The following NKAIN3 variants were observed in gnomAD, a reference collection of about 807,000 sequenced individuals.
NKAIN3 encodes the protein sodium/potassium transporting ATPase interacting 3, also known as sodium/potassium-transporting ATPase subunit beta-1-interacting protein 3.
In NKAIN3, 25 loss-of-function variants were observed where a neutral mutation model predicts 30.2. The observed-to-expected ratio is 0.83, with a 90% CI of 0.60 to 1.16. NKAIN3 has a LOEUF of 1.16. Ranked by LOEUF, NKAIN3 falls within the 50% of genes most tolerant of loss-of-function variation. The probability of loss-of-function intolerance (pLI) is 0.00; values close to 1 mark genes in which losing one functional copy is unlikely to be tolerated. For missense variants in NKAIN3, 225 were observed against 254.1 expected (o/e 0.89, Z 0.78); for synonymous variants, 91 against 89.6 (o/e 1.02, Z -0.09).
At chr8:62,320,558 T>C (rs1254922545) in intron 1 of NKAIN3, among the ~76,000 whole-genome samples, 1 of 152,158 alleles carries the variant, frequency 6.6e-6, no homozygotes, top group Non-Finnish European at 1.5e-5. Flanking sequence ...CATTTGCTTT[T>C]CTGTAAAGGA....
intron 1 of NKAIN3, among the ~76,000 whole-genome samples, chr8:62,385,428 GATCCAGTATTTAAATA>G (rs1817398917): frequency 6.6e-6 from 1 of 152,110 alleles, no homozygotes; most frequent in Non-Finnish European, 1.5e-5. Context: ...GTAAAATGCA[GATCCAGTATTTAAATA>G]ATCCAGATCA....
At chr8:62,837,054 C>A in intron 4 of NKAIN3, among the ~76,000 whole-genome samples, 1 of 152,148 alleles carries the variant, frequency 6.6e-6, no homozygotes, top group Non-Finnish European at 1.5e-5. Flanking sequence ...GACATTCTCA[C>A]AAGATTCCAC....
intron 1 of NKAIN3, among the ~76,000 whole-genome samples, chr8:62,281,414 C>A (rs964861611): frequency 1.8e-4 from 27 of 152,102 alleles, no homozygotes; most frequent in African/African-American, 6.5e-4. Context: ...TTGACTTCTG[C>A]TAACTTTTGA....
intron 3 of NKAIN3, among the ~76,000 whole-genome samples, chr8:62,723,684 G>T (rs539670465): frequency 6.6e-6 from 1 of 152,204 alleles, no homozygotes; most frequent in Non-Finnish European, 1.5e-5. Flanking sequence ...AAACTATACT[G>T]TCACATAGAA....
At chr8:62,369,280 G>T (rs1816833393) in intron 1 of NKAIN3, among the ~76,000 whole-genome samples, 1 of 151,960 alleles carries the variant, frequency 6.6e-6, no homozygotes, top group South Asian at 2.1e-4. Flanking sequence ...TAAGTACTCT[G>T]GTTTTTACAG....
At chr8:62,792,410 T>G (rs923460946) in intron 4 of NKAIN3, among the ~76,000 whole-genome samples, 1 of 125,030 alleles carries the variant, frequency 8.0e-6, no homozygotes, top group Non-Finnish European at 1.8e-5. Flanking sequence ...ATTCTCAAAC[T>G]TTCAACAAGA....
At chr8:62,705,420 G>A (rs932699541) in intron 3 of NKAIN3, among the ~76,000 whole-genome samples, 3 of 152,284 alleles carry the variant, frequency 2.0e-5, no homozygotes, top group African/African-American at 4.8e-5. Flanking sequence ...AGCAATTGGC[G>A]CAGTCCGGGG....
At chr8:62,528,739 C>A (rs986251257) in intron 1 of NKAIN3, among the ~76,000 whole-genome samples, 1 of 152,038 alleles carries the variant, frequency 6.6e-6, no homozygotes, top group Non-Finnish European at 1.5e-5. Context: ...ACTTATTGGG[C>A]CAATATATTC....
intron 5 of NKAIN3, among the ~76,000 whole-genome samples, chr8:62,949,829 G>GCTT (rs2130892753): frequency 6.6e-6 from 1 of 152,176 alleles, no homozygotes; most frequent in East Asian, 1.9e-4. Context: ...GTGCCCTGAT[G>GCTT]CTTCCTTCAG....
At chr8:62,597,821 A>G (rs1286526565) in intron 3 of NKAIN3, among the ~76,000 whole-genome samples, 1 of 151,980 alleles carries the variant, frequency 6.6e-6, no homozygotes, top group African/African-American at 2.4e-5. Context: ...TGGTTTACAG[A>G]TGATTTTAGA....
intron 4 of NKAIN3, among the ~76,000 whole-genome samples, chr8:62,801,954 G>A (rs1010029175): frequency 1.3e-4 from 20 of 152,278 alleles, no homozygotes; most frequent in Non-Finnish European, 2.8e-4. Context: ...GCCAAGGCTC[G>A]AGAACTATGT....
intron 1 of NKAIN3, among the ~76,000 whole-genome samples, chr8:62,436,617 C>G (rs1023932958): frequency 3.9e-5 from 6 of 152,104 alleles, no homozygotes; most frequent in Non-Finnish European, 8.8e-5. Flanking sequence ...TATGTAAACA[C>G]ATAGAAATTA....
At chr8:62,293,753 C>G (rs1268280650) in intron 1 of NKAIN3, among the ~76,000 whole-genome samples, 3 of 152,176 alleles carry the variant, frequency 2.0e-5, no homozygotes, top group African/African-American at 7.2e-5. Flanking sequence ...AAGCACTACT[C>G]TCTTCAAAGC....
At chr8:62,885,287 T>C (rs1254576334) in intron 4 of NKAIN3, among the ~76,000 whole-genome samples, 1 of 152,238 alleles carries the variant, frequency 6.6e-6, no homozygotes, top group Admixed American at 6.5e-5. Context: ...ATTTGGAGAT[T>C]TTCCAGCTAT....
chr8:62,325,241 C>T (rs538321334), intron 1 of NKAIN3, among the ~76,000 whole-genome samples: 20 of 152,206 alleles, frequency 1.3e-4, no homozygotes, highest in African/African-American at 4.6e-4. Flanking sequence ...ATTTGGTTTA[C>T]CATTCCTGAA....
chr8:62,809,432 A>T lies in NKAIN3; in HGVS notation c.471+62303A>T, dbSNP rs574796775. 2.6e-5 allele frequency among the ~76,000 whole-genome samples: 4 copies of T among 152,276 alleles called. No individual in the cohort carries two copies. In the South Asian group the frequency reaches 8.3e-4, roughly 32 times the overall value. On this transcript the variant is annotated intron_variant, in intron 4 of 6. Transcript: ENST00000623646. ...AGGCATAAGAAATTATAAAAGTACT[A>T]ATTTGGGGAACTAATAAATGTCCAT...
At chr8:62,369,972 T>A (rs1387962201) in intron 1 of NKAIN3, among the ~76,000 whole-genome samples, 1 of 152,050 alleles carries the variant, frequency 6.6e-6, no homozygotes, top group Non-Finnish European at 1.5e-5. Flanking sequence ...AGTACAGTAG[T>A]TCCATGGCAA....
intron 4 of NKAIN3, among the ~76,000 whole-genome samples, chr8:62,814,321 T>A (rs939877243): frequency 3.1e-4 from 47 of 151,938 alleles, no homozygotes; most frequent in Non-Finnish European, 4.7e-4. Flanking sequence ...ATAGGCTTTT[T>A]TTTTCATTCT....
intron 2 of NKAIN3, among the ~76,000 whole-genome samples, chr8:62,582,165 C>A (rs535856110): frequency 6.7e-6 from 1 of 149,588 alleles, no homozygotes; most frequent in South Asian, 2.1e-4. Flanking sequence ...TTCCCTTCCT[C>A]TCCCCATCCT....
Sources: allele counts gnomAD v4.1 joint callset (sites outside exome capture counted in the v4.1 genomes callset), GRCh38; gene constraint gnomAD v4.1.1; transcripts MANE v1.5; gene names NCBI Gene and HGNC (gene_info 2026-07-23, HGNC 2026-07-21).